The following PLCB2 variants were observed in gnomAD, a reference collection of about 807,000 sequenced individuals.
The protein encoded by PLCB2 is phospholipase C beta 2.
A neutral mutation model predicts 141.7 loss-of-function variants in PLCB2; 115 were observed. That is an observed-to-expected ratio of 0.81 (90% CI 0.70 to 0.95). PLCB2 has a LOEUF of 0.95. Among genes scored for constraint, PLCB2 ranks in the 40% least tolerant of loss-of-function variants. The probability of loss-of-function intolerance (pLI) is 0.00; values close to 1 mark genes in which losing one functional copy is unlikely to be tolerated. For missense variants in PLCB2, 1,403 were observed against 1,541.1 expected, an observed-to-expected ratio of 0.91 and a Z score of 1.50; for synonymous variants, 603 against 595.6, an observed-to-expected ratio of 1.01 and a Z score of -0.18.
intron 7 of PLCB2, among the ~76,000 whole-genome samples, chr15:40,300,399 C>A (rs2040445013): frequency 6.6e-6 from 1 of 152,196 alleles, no homozygotes. Context: ...TATAGAGTGA[C>A]CACATGACCC....
chr15:40,305,841 G>A (rs1328334889), intron 1 of PLCB2, among the ~76,000 whole-genome samples: 2 of 152,196 alleles, frequency 1.3e-5, no homozygotes, highest in African/African-American at 2.4e-5. Context: ...ATGCCTAGAG[G>A]GGCCTTGAGC....
In PLCB2 at chr15:40,298,631, G is replaced by A; in HGVS notation, c.928C>T (p.Leu310Phe). Residue 310 changes from leucine (L) to phenylalanine (F), a missense_variant, in exon 10 of 32, where the codon CTC becomes TTC. Leu to Phe is a conservative substitution (Grantham distance 22). Around this residue, in one of 4 missense-constraint regions of PLCB2, gnomAD observed 975 missense variants for 1,141.1 expected, o/e 0.85. Transcript: ENST00000260402. ...AGTGGCTGCGTCATGTCGTGGTGGA[G>A]CAGCAGCTTGTCCTGGGCCAGCACG... ...NSVLAQDKLL[L>F]HHDMTQPLNH... The A allele has an allele frequency of 6.2e-7, 1 of 1,614,228 alleles. No individual in the cohort carries two copies. Among genetic ancestry groups the A allele is most frequent in the Non-Finnish European group, 8.5e-7 (1 of 1,180,020 alleles).
chr15:40,291,433 A>G lies in PLCB2; in HGVS notation c.2702T>C (p.Leu901Pro). 6.5e-7 allele frequency: 1 copy of G among 1,544,498 alleles called. No homozygotes were observed. The highest frequency in any genetic ancestry group is 8.7e-7 in the Non-Finnish European group (1 of 1,150,448). The change falls in exon 26 of 32, where the codon CTG (leucine) becomes CCG (proline). Residue 901 changes from leucine (L) to proline (P), a missense_variant. Physicochemically the swap from Leu to Pro is moderately conservative, Grantham distance 98. Around this residue, in one of 4 missense-constraint regions of PLCB2, gnomAD observed 290 missense variants for 245.9 expected, o/e 1.18. Transcript: ENST00000260402. ...CAGCTCCTTCTCGTGCCGCCGCTGC[A>G]GCTTCACCACGCCCTTTAGCTCCCG... Reference protein sequence around the residue: ...ELRELKGVVKLQRRHEKELRE... With the variant: ...ELRELKGVVKPQRRHEKELRE...
chr15:40,304,273 G>A lies in PLCB2; in HGVS notation c.85-195C>T, dbSNP rs2305643. Among the ~76,000 whole-genome samples, 6 of 152,262 alleles carry A rather than the reference G, an allele frequency of 3.9e-5. No individual in the cohort carries two copies. The East Asian group carries it at 1.2e-3, about 29-fold the overall frequency. The stretch of plus-strand genomic sequence containing the variant: ...GGGATGCCATTTCTGGAAGAGAAGG[G>A]TTTTCCCCTCTAAAGCCCAAATAGA... On this transcript the variant is annotated intron_variant, in intron 1 of 31. Coordinates refer to ENST00000260402, the MANE Select transcript of PLCB2 (RefSeq NM_004573.3).
Position 40,307,679 on chromosome 15 carries a change from A to G in PLCB2, c.-7T>C. 3 of 1,552,864 alleles carry G rather than the reference A, an allele frequency of 1.9e-6. No homozygotes were observed. Among genetic ancestry groups the G allele is most frequent in the Non-Finnish European group, 2.6e-6 (3 of 1,146,072 alleles). ...CAGGGTTGAGCAGAGACATGGTGCC[A>G]AGCGTTCCTCTTTGCAGAATCTCAG... On this transcript the variant is annotated 5_prime_UTR_variant, in exon 1 of 32. Coordinates refer to ENST00000260402, the MANE Select transcript of PLCB2 (RefSeq NM_004573.3).
chr15:40,299,574 A>G (rs1488109969), intron 7 of PLCB2, among the ~76,000 whole-genome samples: 1 of 152,226 alleles, frequency 6.6e-6, no homozygotes, highest in Non-Finnish European at 1.5e-5. Context: ...AAATATTCAA[A>G]AAGAAGCAAT....
chr15:40,301,309 A>T (rs1173780532), intron 7 of PLCB2: 3 of 532,866 alleles, frequency 5.6e-6, no homozygotes, highest in Non-Finnish European at 1.0e-5. Flanking sequence ...AAGCAGGGAC[A>T]GGGGCTGAGA....
At chr15:40,299,374 T>C (rs2040399337) in intron 7 of PLCB2, 146 bp from the exon 8 acceptor site, 1 of 602,084 alleles carries the variant, frequency 1.7e-6, no homozygotes, top group Non-Finnish European at 3.0e-6. Flanking sequence ...AAGCATCCAC[T>C]TCTCAAGGCC....
chr15:40,307,446 A>C (rs191891917), intron 1 of PLCB2, 143 bp downstream of exon 1: 1 of 513,904 alleles, frequency 1.9e-6, no homozygotes, highest in Admixed American at 3.7e-5. Flanking sequence ...TTATCCAAGC[A>C]GTGGTGTCAG....
intron 20 of PLCB2, 63 bp from the exon 21 acceptor site, chr15:40,293,088 C>T (rs2040022559): frequency 9.7e-7 from 1 of 1,029,364 alleles, no homozygotes; most frequent in Non-Finnish European, 1.5e-6. Context: ...GACCCCCTCC[C>T]TGGCTCCAGA....
In PLCB2 at chr15:40,288,751, G is replaced by C; in HGVS notation, c.3522C>G (p.Leu1174=). The change falls in exon 32 of 32, where the codon CTC becomes CTG. Residue 1174 remains leucine, a synonymous_variant. Coordinates refer to ENST00000260402, the MANE Select transcript of PLCB2 (RefSeq NM_004573.3). ...TCTCCTGGGCATCTGCCTTTGCTATGAGTGGGTCCTGCTCACACAGCTCTG... is the reference window on the plus strand; with the variant it reads ...TCTCCTGGGCATCTGCCTTTGCTATCAGTGGGTCCTGCTCACACAGCTCTG... ...CPPELCEQDP[L]IAKADAQESR... 1.2e-6 allele frequency: 2 copies of C among 1,607,878 alleles called. No homozygotes were observed. The highest frequency in any genetic ancestry group is 2.7e-5 in the African/African-American group (2 of 74,948).
chr15:40,290,100 GT>G lies in PLCB2; in HGVS notation c.3210-19del. The G allele has an allele frequency of 6.4e-7, 1 of 1,571,444 alleles. No individual in the cohort carries two copies. The highest frequency in any genetic ancestry group is 8.8e-7 in the Non-Finnish European group (1 of 1,141,130). ...TCTTCAACCTGTTGGTGTAATTGGA[GT>G]TTTAGAAAAGGGAGAAAACCCCTAG... On this transcript the variant is annotated intron_variant, in intron 29 of 31. Coordinates refer to ENST00000260402, the MANE Select transcript of PLCB2 (RefSeq NM_004573.3).
At position 40,294,359 on chromosome 15, in the gene PLCB2, G is replaced by C. The variant is rs1272281502; in HGVS notation, c.1968C>G (p.Leu656=). Residue 656 remains leucine (L), a synonymous_variant, in exon 19 of 32, where the codon CTC becomes CTG. Coordinates refer to ENST00000260402, the MANE Select transcript of PLCB2 (RefSeq NM_004573.3). ...CCGGCCGGCGCATGAACTCATGCTT[G>C]AGGAGGTAGCCGCTCTGCCCGTTGA... ...FEFNGQSGYL[L]KHEFMRRPDK... 6.2e-7 allele frequency: 1 copy of C among 1,614,058 alleles called. No individual in the cohort carries two copies. Among genetic ancestry groups the C allele is most frequent in the Non-Finnish European group, 8.5e-7 (1 of 1,180,008 alleles).
chr15:40,295,290 A>G lies in PLCB2; in HGVS notation c.1697-5T>C, dbSNP rs199825764. On this transcript the variant is annotated splice_polypyrimidine_tract_variant and splice_region_variant and intron_variant, in intron 16 of 31. Transcript: ENST00000260402. ...TGACATAACTTCGGTTCTTTTCTAT[A>G]TAGGGGAGAAAGGGAGGGGAGGAGT... 2.4e-5 allele frequency: 38 copies of G among 1,602,758 alleles called. No homozygotes were observed. In the African/African-American group the frequency reaches 4.8e-4, roughly 20 times the overall value.
chr15:40,292,711 A>G (rs999369180), intron 21 of PLCB2, among the ~76,000 whole-genome samples: 1 of 152,074 alleles, frequency 6.6e-6, no homozygotes, highest in African/African-American at 2.4e-5. Flanking sequence ...TACTTGAGAA[A>G]CTGCCCCAGC....
chr15:40,298,737 A>T (rs753065675), intron 9 of PLCB2, 29 bp from the exon 10 acceptor site: 1 of 1,612,746 alleles, frequency 6.2e-7, no homozygotes, highest in Admixed American at 1.7e-5. Context: ...CTGTCAGGCT[A>T]CAACCCCGCT....
rs763671402 is a variant in PLCB2, at chr15:40,295,210, T to C, written c.1772A>G (p.Gln591Arg). The change falls in exon 17 of 32, where the codon CAG becomes CGG. Residue 591 changes from glutamine (Q) to arginine (R), a missense_variant. Coordinates refer to ENST00000260402, the MANE Select transcript of PLCB2 (RefSeq NM_004573.3). ...GAAACCTCAAGGATACTCCACAAAC[T>C]GCACCGAGGCCTTGGAGAGCAGGTC... is the stretch of plus-strand genomic sequence containing the variant. Reference protein sequence around the residue: ...AYDLLSKASVQFVDYNKRQMS... With the variant: ...AYDLLSKASVRFVDYNKRQMS... 3.2e-5 allele frequency: 52 copies of C among 1,613,488 alleles called. No individual in the cohort carries two copies. The highest frequency in any genetic ancestry group is 4.3e-5 in the Non-Finnish European group (51 of 1,179,536).
At chr15:40,293,859 A>G (rs558775528) in intron 19 of PLCB2, 135 bp from the exon 20 acceptor site, 15 of 829,334 alleles carry the variant, frequency 1.8e-5, no homozygotes, top group Non-Finnish European at 2.8e-5. Context: ...AGCTCTGGCC[A>G]TGAGTAGAGA....
chr15:40,294,603 A>G (rs1207299585), intron 18 of PLCB2, among the ~76,000 whole-genome samples, 183 bp from the exon 19 acceptor site: 2 of 152,186 alleles, frequency 1.3e-5, no homozygotes, highest in African/African-American at 4.8e-5. Context: ...CAGGGTCCAC[A>G]GCCTGGAGGC....
Sources: allele counts gnomAD v4.1 joint callset (sites outside exome capture counted in the v4.1 genomes callset), GRCh38; gene constraint gnomAD v4.1.1; regional missense constraint gnomAD v4.1.1; transcripts MANE v1.5; gene names NCBI Gene and HGNC (gene_info 2026-07-23, HGNC 2026-07-21).